Variants in FGF7 observed in about 807,000 individuals in gnomAD.
The protein encoded by FGF7 is FGF-7.
A neutral mutation model predicts 20.5 loss-of-function variants in FGF7; 6 were observed. That is an observed-to-expected ratio of 0.29 (90% CI 0.16 to 0.58). FGF7 has a LOEUF of 0.58. Ranked by LOEUF, FGF7 falls within the 20% of genes least tolerant of loss-of-function variation. The pLI is 0.90. For missense variants in FGF7, 144 were observed against 228.8 expected, an observed-to-expected ratio of 0.63 and a Z score of 2.39; for synonymous variants, 64 against 74.7, an observed-to-expected ratio of 0.86 and a Z score of 0.74.
chr15:49,437,958 C>T (rs945354820), intron 2 of FGF7, among the ~76,000 whole-genome samples: 20 of 151,574 alleles, frequency 1.3e-4, no homozygotes, highest in African/African-American at 3.9e-4. Flanking sequence ...TCTCAAAGAG[C>T]AGGTGGGAGT....
At chr15:49,441,091 A>T (rs1020971374) in intron 2 of FGF7, among the ~76,000 whole-genome samples, 3 of 151,794 alleles carry the variant, frequency 2.0e-5, no homozygotes, top group African/African-American at 7.2e-5. Context: ...TGAGTAAATA[A>T]GATAATTTCC....
intron 2 of FGF7, among the ~76,000 whole-genome samples, chr15:49,458,330 A>G (rs143265727): frequency 6.6e-6 from 1 of 152,186 alleles, no homozygotes; most frequent in Non-Finnish European, 1.5e-5. Flanking sequence ...TAATCCACAA[A>G]TAAGCTATTA....
Position 49,485,734 on chromosome 15 carries a change from T to C in FGF7, c.*1230T>C. The C allele has an allele frequency of 6.6e-6, 1 of 152,624 alleles. No homozygotes were observed. Among genetic ancestry groups the C allele is most frequent in the South Asian group, 2.1e-4 (1 of 4,828 alleles). The allele number at this position is 152,624 out of a possible 1,614,324, so 9.5% of individuals were successfully genotyped here. On this transcript the variant is annotated 3_prime_UTR_variant, in exon 4 of 4. Coordinates refer to ENST00000267843, the MANE Select transcript of FGF7 (RefSeq NM_002009.4). Reference sequence around the variant, plus strand: ...ATATTCTTGCCAATTAATTGGATCATATAAGTAAAATCATTACAAATATAA... The same window carrying C: ...ATATTCTTGCCAATTAATTGGATCACATAAGTAAAATCATTACAAATATAA...
Position 49,484,391 on chromosome 15 carries a change from C to T in FGF7, c.472C>T (p.His158Tyr). 1.9e-6 allele frequency: 3 copies of T among 1,594,062 alleles called. No homozygotes were observed. The highest frequency in any genetic ancestry group is 2.5e-6 in the Non-Finnish European group (3 of 1,177,942). ...YNTYASAKWT[H>Y]NGGEMFVALN... ...CACATATGCATCAGCTAAATGGACACACAACGGAGGGGAAATGTTTGTTGC... is the reference window on the plus strand; with the variant it reads ...CACATATGCATCAGCTAAATGGACATACAACGGAGGGGAAATGTTTGTTGC... Residue 158 changes from histidine to tyrosine, a missense_variant, in exon 4 of 4, where the codon CAC becomes TAC. Transcript: ENST00000267843.
intron 2 of FGF7, among the ~76,000 whole-genome samples, chr15:49,430,950 T>G (rs988860255): frequency 1.3e-5 from 2 of 151,804 alleles, no homozygotes; most frequent in Admixed American, 1.3e-4. Context: ...TTTTTAAGAC[T>G]GGAATGATGC....
At position 49,424,541 on chromosome 15, in the gene FGF7, A is replaced by G; in HGVS notation, c.244A>G (p.Arg82Gly). The G allele has an allele frequency of 6.2e-7, 1 of 1,607,074 alleles. No homozygotes were observed. Among genetic ancestry groups the G allele is most frequent in the Non-Finnish European group, 8.5e-7 (1 of 1,175,396 alleles). The change falls in exon 2 of 4, where the codon AGA becomes GGA. Residue 82 changes from arginine to glycine, a missense_variant. Transcript: ENST00000267843. The stretch of plus-strand genomic sequence containing the variant: ...ACAGTGGTACCTGAGGATCGATAAA[A>G]GAGGCAAAGTAAAAGGGACCCAAGA... ...RTQWYLRIDKRGKVKGTQEMK... is the reference protein window; with the variant it reads ...RTQWYLRIDKGGKVKGTQEMK...
chr15:49,423,474 C>T (rs2049864123), intron 1 of FGF7, 34 bp downstream of exon 1: 1 of 152,098 alleles, frequency 6.6e-6, no homozygotes, highest in Non-Finnish European at 1.5e-5. Flanking sequence ...TAAAACAATG[C>T]TGAATGTTTT....
At chr15:49,428,655 A>G (rs1165846081) in intron 2 of FGF7, among the ~76,000 whole-genome samples, 2 of 151,992 alleles carry the variant, frequency 1.3e-5, no homozygotes, top group Non-Finnish European at 2.9e-5. Flanking sequence ...CAGATGTGGA[A>G]GACAGAATCC....
chr15:49,465,283 C>T (rs1343773834), intron 2 of FGF7, among the ~76,000 whole-genome samples: 1 of 151,020 alleles, frequency 6.6e-6, no homozygotes, highest in Non-Finnish European at 1.5e-5. Context: ...GCACCTGCCA[C>T]CATGTCTGGC....
chr15:49,469,150 A>C (rs1436397494), intron 2 of FGF7, among the ~76,000 whole-genome samples: 2 of 152,186 alleles, frequency 1.3e-5, no homozygotes, highest in Non-Finnish European at 2.9e-5. Flanking sequence ...GAATGAAATA[A>C]ATGTAAAATG....
At chr15:49,479,286 CT>C (rs1849892429) in intron 2 of FGF7, among the ~76,000 whole-genome samples, 1 of 152,076 alleles carries the variant, frequency 6.6e-6, no homozygotes, top group South Asian at 2.1e-4. Context: ...TACCATTATG[CT>C]ATCATGGACA....
intron 2 of FGF7, among the ~76,000 whole-genome samples, chr15:49,469,079 T>C (rs1051346867): frequency 1.3e-5 from 2 of 152,206 alleles, no homozygotes; most frequent in Non-Finnish European, 2.9e-5. Flanking sequence ...AGGTAACTTA[T>C]ACAAGTTGTT....
At chr15:49,473,171 C>G (rs369437547) in intron 2 of FGF7, among the ~76,000 whole-genome samples, 1 of 152,012 alleles carries the variant, frequency 6.6e-6, no homozygotes, top group Non-Finnish European at 1.5e-5. Flanking sequence ...ACAAACATAT[C>G]AAATATGAAT....
chr15:49,427,197 T>G (rs1597117080), intron 2 of FGF7, among the ~76,000 whole-genome samples: 2 of 152,012 alleles, frequency 1.3e-5, no homozygotes, highest in African/African-American at 4.8e-5. Context: ...GCTGCTATAT[T>G]AGGAAATCTA....
chr15:49,484,849 A>G lies in FGF7; in HGVS notation c.*345A>G, dbSNP rs2056274610. ...TTTGATTATCTGATAATGATTATTT[A>G]AATATTCCTATCTGCTTATAAAATG... On this transcript the variant is annotated 3_prime_UTR_variant, in exon 4 of 4. Transcript: ENST00000267843. 6.0e-6 allele frequency: 1 copy of G among 167,808 alleles called. No individual in the cohort carries two copies. Among genetic ancestry groups the G allele is most frequent in the African/African-American group, 2.4e-5 (1 of 42,028 alleles). The allele number at this position is 167,808 out of a possible 1,614,324, so 10.4% of individuals were successfully genotyped here.
intron 2 of FGF7, among the ~76,000 whole-genome samples, chr15:49,468,271 C>G (rs1186840670): frequency 6.6e-6 from 1 of 152,036 alleles, no homozygotes; most frequent in Non-Finnish European, 1.5e-5. Context: ...GGAATCAGTT[C>G]TCTTGTTGCA....
In FGF7 at chr15:49,484,614, G is replaced by T; in HGVS notation, c.*110G>T. 1 of 528,060 alleles carries T rather than the reference G, an allele frequency of 1.9e-6. No individual in the cohort carries two copies. Among genetic ancestry groups the T allele is most frequent in the Non-Finnish European group, 3.2e-6 (1 of 309,834 alleles). The allele number at this position is 528,060 out of a possible 1,614,324, so 32.7% of individuals were successfully genotyped here. A position where few individuals can be genotyped will look rare whatever the true frequency, so the allele number is the denominator to read the frequency against. On this transcript the variant is annotated 3_prime_UTR_variant, in exon 4 of 4. Coordinates refer to ENST00000267843, the MANE Select transcript of FGF7 (RefSeq NM_002009.4). ...TTTTATTTTTTAGTAATCAAGAAAG[G>T]CTGGAAAACTACTGAAAAACTGATC...
chr15:49,427,675 C>CT (rs1486043726), intron 2 of FGF7, among the ~76,000 whole-genome samples: 1 of 152,006 alleles, frequency 6.6e-6, no homozygotes, highest in African/African-American at 2.4e-5. Context: ...TGTCAATAGG[C>CT]TTCAGAGGAC....
intron 2 of FGF7, among the ~76,000 whole-genome samples, chr15:49,470,998 C>T (rs1378158692): frequency 6.6e-6 from 1 of 152,116 alleles, no homozygotes; most frequent in Non-Finnish European, 1.5e-5. Context: ...GAGATGGTTA[C>T]CAATTCATGT....
Sources: allele counts gnomAD v4.1 joint callset (sites outside exome capture counted in the v4.1 genomes callset), GRCh38; gene constraint gnomAD v4.1.1; transcripts MANE v1.5; gene names NCBI Gene and HGNC (gene_info 2026-07-23, HGNC 2026-07-21).